HMGB1: variants seen among roughly 807,000 people sequenced by gnomAD.
HMGB1 encodes high mobility group protein B1.
For synonymous variants in HMGB1, 81 were observed against 84.0 expected, an observed-to-expected ratio of 0.96 and a Z score of 0.19; for missense variants, 79 against 253.5, an observed-to-expected ratio of 0.31 and a Z score of 4.67.
chr13:30,579,034 T>C (rs1038239361), intron 1 of HMGB1, among the ~76,000 whole-genome samples: 2 of 152,262 alleles, frequency 1.3e-5, no homozygotes, highest in African/African-American at 2.4e-5. Context: ...TATAATTTTG[T>C]CTGTCTTGCC....
intron 1 of HMGB1, among the ~76,000 whole-genome samples, chr13:30,605,943 A>C (rs918034786): frequency 2.0e-5 from 3 of 152,326 alleles, no homozygotes; most frequent in South Asian, 2.1e-4. Flanking sequence ...ATTCTCCTAC[A>C]TAGCCATAGT....
At chr13:30,604,900 C>A (rs978904142) in intron 1 of HMGB1, among the ~76,000 whole-genome samples, 8 of 152,150 alleles carry the variant, frequency 5.3e-5, no homozygotes, top group African/African-American at 1.7e-4. Context: ...TCCCGTGATC[C>A]ACCCACCTCG....
chr13:30,493,659 C>T lies in HMGB1; in HGVS notation c.-14-29965G>A, dbSNP rs182134389. Among the ~76,000 whole-genome samples the T allele has an allele frequency of 1.6e-3, 250 of 152,112 alleles. 1 individual carries two copies. The highest frequency in any genetic ancestry group is 5.6e-3 in the African/African-American group (234 of 41,502). Reference sequence around the variant, plus strand: ...AATAAAAATGAAAAAATTAGCCAGGCGAGGCGCACACGCCTGTGGTCCCAG... The same window carrying T: ...AATAAAAATGAAAAAATTAGCCAGGTGAGGCGCACACGCCTGTGGTCCCAG... On this transcript the variant is annotated intron_variant, in intron 1 of 4. Transcript: ENST00000405805.
chr13:30,571,290 T>A (rs1045512076), intron 1 of HMGB1, among the ~76,000 whole-genome samples: 3 of 149,806 alleles, frequency 2.0e-5, no homozygotes, highest in Non-Finnish European at 4.5e-5. Flanking sequence ...AGCAAAAAAA[T>A]GGTTTTTTTT....
At chr13:30,493,066 C>T (rs1484524562) in intron 1 of HMGB1, among the ~76,000 whole-genome samples, 1 of 149,456 alleles carries the variant, frequency 6.7e-6, no homozygotes, top group Admixed American at 6.7e-5. Flanking sequence ...CCTCTGGGTA[C>T]TCAGCCAGGA....
At position 30,591,893 on chromosome 13, in the gene HMGB1, C is replaced by T. The variant is rs1392921636; in HGVS notation, c.-15+24778G>A. 2.0e-5 allele frequency among the ~76,000 whole-genome samples: 3 copies of T among 152,128 alleles called. No homozygotes were observed. The East Asian group carries it at 5.8e-4, about 29-fold the overall frequency. The stretch of plus-strand genomic sequence containing the variant: ...TCATTTATAATCAGATTCAGAGGTT[C>T]TCTTATGCTTTACAATATTGTCCTA... On this transcript the variant is annotated intron_variant, in intron 1 of 4. Coordinates refer to the HMGB1 transcript ENST00000405805.
intron 1 of HMGB1, among the ~76,000 whole-genome samples, chr13:30,576,981 T>C (rs1362114402): frequency 2.0e-5 from 3 of 152,096 alleles, no homozygotes; most frequent in Non-Finnish European, 4.4e-5. Context: ...ACGTGACCTC[T>C]AAGGAGTAAT....
rs763365503 is a variant in HMGB1 at position 30,463,511 on chromosome 13, C to CAT, written c.150+18_150+19dup. 6.3e-7 allele frequency: 1 copy of CAT among 1,598,138 alleles called. No homozygotes were observed. The highest frequency in any genetic ancestry group is 8.5e-7 in the Non-Finnish European group (1 of 1,174,008). ...AACTGTCTTTTAATTACCTTGTTAG[C>CAT]ATGTTTTAAGCCCTCTTACCTTCCA... is the stretch of plus-strand genomic sequence containing the variant. On this transcript the variant is annotated intron_variant, in intron 2 of 4. Transcript: ENST00000341423.
upstream of HMGB1, among the ~76,000 whole-genome samples, chr13:30,467,314 C>T (rs1394189974): frequency 2.0e-5 from 3 of 152,212 alleles, no homozygotes; most frequent in Admixed American, 6.5e-5. Flanking sequence ...AAATCACCTA[C>T]ATCGTGTTAA....
intron 1 of HMGB1, among the ~76,000 whole-genome samples, chr13:30,608,556 A>T (rs1950482583): frequency 6.6e-6 from 1 of 152,242 alleles, no homozygotes; most frequent in South Asian, 2.1e-4. Context: ...CTGATCTGAC[A>T]GCAAGTTTGG....
intron 1 of HMGB1, among the ~76,000 whole-genome samples, chr13:30,551,362 G>T (rs921473138): frequency 6.6e-6 from 1 of 152,174 alleles, no homozygotes; most frequent in African/African-American, 2.4e-5. Flanking sequence ...GAGTATAGGG[G>T]ATTGCCAAGT....
At position 30,461,484 on chromosome 13, in the gene HMGB1, C is replaced by T; in HGVS notation, c.521G>A (p.Gly174Glu). The change falls in exon 5 of 5, where the codon GGA (glycine) becomes GAA (glutamate). Residue 174 changes from glycine (G) to glutamate (E), a missense_variant. Physicochemically the swap from Gly to Glu is moderately conservative, Grantham distance 98. Transcript: ENST00000341423. ...CTTGCTTTTTTCAGCCTTGACAACT[C>T]CCTTTTTTGCTGCATCAGGCTTTCC... is the stretch of plus-strand genomic sequence containing the variant. The part of the protein sequence containing the change: ...AKGKPDAAKK[G>E]VVKAEKSKKK... 6.4e-7 allele frequency: 1 copy of T among 1,561,634 alleles called. No homozygotes were observed. Among genetic ancestry groups the T allele is most frequent in the Non-Finnish European group, 8.7e-7 (1 of 1,151,898 alleles).
chr13:30,459,627 T>A lies in HMGB1; in HGVS notation c.*1730A>T, dbSNP rs1341081179. ...AAATCATTCTGAAAGTAAAACTAGTTTTTCCTCCTTTATATATAGCACCGA... is the reference window on the plus strand; with the variant it reads ...AAATCATTCTGAAAGTAAAACTAGTATTTCCTCCTTTATATATAGCACCGA... On this transcript the variant is annotated 3_prime_UTR_variant, in exon 5 of 5. Coordinates refer to ENST00000341423, the MANE Select transcript of HMGB1 (RefSeq NM_002128.7). The A allele has an allele frequency of 6.6e-6, 1 of 152,166 alleles. No individual in the cohort carries two copies. Among genetic ancestry groups the A allele is most frequent in the Non-Finnish European group, 1.5e-5 (1 of 68,012 alleles). The allele number at this position is 152,166 out of a possible 1,614,324, so 9.4% of individuals were successfully genotyped here.
At chr13:30,464,732 A>G in intron 1 of HMGB1, 2 of 651,012 alleles carry the variant, frequency 3.1e-6, no homozygotes, top group Non-Finnish European at 3.8e-6. Context: ...CGCGAGGGCG[A>G]GCGCGAGCGA....
chr13:30,463,830 CA>C, intron 1 of HMGB1, 136 bp from the exon 2 acceptor site: 1 of 615,264 alleles, frequency 1.6e-6, no homozygotes, highest in Non-Finnish European at 2.7e-6. Context: ...TAAAATCAGA[CA>C]AGAATATGGC....
chr13:30,483,632 T>TTTTTTTA (rs1887290292), intron 1 of HMGB1, among the ~76,000 whole-genome samples: 1 of 150,870 alleles, frequency 6.6e-6, no homozygotes. Context: ...TTTTTTTTTT[T>TTTTTTTA]GAGTCAGGGT....
At chr13:30,504,905 T>C (rs1193999638) in intron 1 of HMGB1, among the ~76,000 whole-genome samples, 2 of 152,120 alleles carry the variant, frequency 1.3e-5, no homozygotes, top group Non-Finnish European at 2.9e-5. Context: ...GTTTATCACA[T>C]GACTGGCAAA....
chr13:30,556,755 G>A (rs990750043), intron 1 of HMGB1, among the ~76,000 whole-genome samples: 1 of 152,226 alleles, frequency 6.6e-6, no homozygotes, highest in Non-Finnish European at 1.5e-5. Context: ...TAGAGGCTGG[G>A]ACGAGAGTGA....
In HMGB1 at chr13:30,537,558, T is replaced by C. The variant is rs190728165; in HGVS notation, c.-14-73864A>G. Among the ~76,000 whole-genome samples the C allele has an allele frequency of 4.5e-3, 674 of 150,534 alleles. 1 individual carries two copies. The highest frequency in any genetic ancestry group is 6.8e-3 in the Middle Eastern group (2 of 292). ...TAAAATGTGTATTTTTTAAAAAAAA[T>C]GTACTCTTTTGCTCCTGGTCTCTTT... On this transcript the variant is annotated intron_variant, in intron 1 of 4. Coordinates refer to the HMGB1 transcript ENST00000405805.
Sources: gnomAD v4.1 joint callset for allele counts (sites outside exome capture counted in the v4.1 genomes callset) on GRCh38, gnomAD v4.1.1 for gene constraint, MANE v1.5 for transcripts, NCBI Gene and HGNC (gene_info 2026-07-23, HGNC 2026-07-21) for gene names.